Variants in MAGEB16 observed in about 807,000 individuals in gnomAD.
MAGEB16 encodes MAGE family member B16.
For missense variants in MAGEB16, 217 were observed against 234.0 expected (o/e 0.93, Z 0.47); for synonymous variants, 95 against 92.1 (o/e 1.03, Z -0.18).
exon 2 of MAGEB16, chrX:35,802,386 G>T (rs1458370429): frequency 1.0e-5 from 12 of 1,205,436 alleles, no homozygotes; most frequent in African/African-American, 1.8e-5. Flanking sequence ...TCCTCTTGAG[G>T]TTCCTCAGAG....
chrX:35,802,091 T>C (rs994682674), intron 1 of MAGEB16, 40 bp from the exon 2 acceptor site: 9 of 1,044,452 alleles, frequency 8.6e-6, no homozygotes, highest in African/African-American at 3.7e-5. Flanking sequence ...CAGTTGAGTT[T>C]ACCAGCTGAG....
At chrX:35,802,017 G>C (rs772884145) in intron 1 of MAGEB16, 114 bp from the exon 2 acceptor site, 48 of 492,330 alleles carry the variant, frequency 9.7e-5, no homozygotes, top group African/African-American at 8.2e-4. Flanking sequence ...TATCAGATCT[G>C]TGAGGCTCTA....
intron 1 of MAGEB16, chrX:35,800,387 A>T (rs2146564798): frequency 2.2e-6 from 1 of 456,009 alleles, no homozygotes; most frequent in East Asian, 3.8e-5. Context: ...AGCAGCCTCA[A>T]GTCAATATAG....
In MAGEB16 at chrX:35,802,278, G is replaced by T. The variant is rs377386187; in HGVS notation, c.82G>T (p.Ala28Ser). Residue 28 changes from alanine to serine, a missense_variant, in exon 2 of 2, where the codon GCA becomes TCA. By Grantham distance (99) the Ala-to-Ser change is moderately conservative. Coordinates refer to ENST00000399988, the Ensembl canonical transcript of MAGEB16. Reference sequence around the variant, plus strand: ...CAGTGAGACCCAGAGCCTGGAGGTTGCACAGGTCTCCAAGGCTCTGGAGAA... The same window carrying T: ...CAGTGAGACCCAGAGCCTGGAGGTTTCACAGGTCTCCAAGGCTCTGGAGAA... 7 of 1,208,882 alleles carry T rather than the reference G, an allele frequency of 5.8e-6. No homozygotes were observed. The African/African-American group carries it at 1.2e-4, about 21-fold the overall frequency.
rs1461326451 is a variant in MAGEB16 at position 35,802,873 on chromosome X, G to A, written c.677G>A (p.Trp226Ter). The A allele has an allele frequency of 3.3e-6, 4 of 1,210,157 alleles. No individual in the cohort carries two copies. Among genetic ancestry groups the A allele is most frequent in the Admixed American group, 2.2e-5 (1 of 45,757 alleles). ...AACCGTGCCACTGAAGAGGAAGTCT[G>A]GGAAGTGCTGAATTTGACGGGAGTA... Residue 226 changes from tryptophan to a stop codon, truncating the protein, a stop_gained, in exon 2 of 2, where the codon TGG becomes TAG. Transcript: ENST00000399988. LOFTEE classifies it low-confidence loss of function (END_TRUNC).
Position 35,803,040 on chromosome X carries a change from A to G in MAGEB16, c.844A>G (p.Lys282Glu), listed in dbSNP as rs1421543233. The change falls in exon 2 of 2, where the codon AAA (lysine) becomes GAA (glutamate). Residue 282 changes from lysine (K) to glutamate (E), a missense_variant. Physicochemically the swap from Lys to Glu is moderately conservative, Grantham distance 56 (BLOSUM62 1). Coordinates refer to ENST00000399988, the Ensembl canonical transcript of MAGEB16. Reference sequence around the variant, plus strand: ...TGAATTCCTGTGGGGCCCAAGAGCCAAAGCTGAAACCAGCAAGATGAAAGT... The same window carrying G: ...TGAATTCCTGTGGGGCCCAAGAGCCGAAGCTGAAACCAGCAAGATGAAAGT... 1.2e-5 allele frequency: 14 copies of G among 1,210,605 alleles called. No homozygotes were observed. Among genetic ancestry groups the G allele is most frequent in the Non-Finnish European group, 1.5e-5 (13 of 895,411 alleles).
intron 1 of MAGEB16, among the ~76,000 whole-genome samples, chrX:35,799,277 G>A (rs12009946): frequency 0.054 from 5,919 of 110,602 alleles, 400 homozygotes; most frequent in African/African-American, 0.18. Flanking sequence ...TTCGTGAGGC[G>A]TTTGCTCATT....
At chrX:35,800,730 G>A (rs1934855438) in intron 1 of MAGEB16, among the ~76,000 whole-genome samples, 1 of 110,916 alleles carries the variant, frequency 9.0e-6, no homozygotes, top group Non-Finnish European at 1.9e-5. Flanking sequence ...GATAACAAAG[G>A]TTTTGGTCTA....
At chrX:35,802,242 C>T (rs1934868490) in exon 2 of MAGEB16, 1 of 1,209,450 alleles carries the variant, frequency 8.3e-7, no homozygotes, top group South Asian at 1.8e-5. Context: ...TGATCAGCAC[C>T]TTCAGACCTT....
In MAGEB16 at chrX:35,802,494, G is replaced by GAGGAT; in HGVS notation, c.300_304dup (p.Thr102ArgfsTer22). On this transcript the variant is annotated frameshift_variant, in exon 2 of 2. Coordinates refer to ENST00000399988, the Ensembl canonical transcript of MAGEB16. LOFTEE classifies it low-confidence loss of function (END_TRUNC). ...AGAGGAAGATAGTCCAAGCTCCTCA[G>GAGGAT]AGGATACATCAGACCCCAGGAATGT... 8.3e-7 allele frequency: 1 copy of GAGGAT among 1,211,190 alleles called. No homozygotes were observed. The highest frequency in any genetic ancestry group is 1.1e-6 in the Non-Finnish European group (1 of 895,110).
chrX:35,802,442 A>G lies in MAGEB16; in HGVS notation c.246A>G (p.Glu82=), dbSNP rs193068052. 1.5e-5 allele frequency: 18 copies of G among 1,207,629 alleles called. No individual in the cohort carries two copies. In the East Asian group the frequency reaches 5.3e-4, roughly 36 times the overall value. ...CCGTCACAACCACCTCATCAAGTGA[A>G]TCTGATGAGGCTTCCAGCAATCAAG... The change falls in exon 2 of 2, where the codon GAA becomes GAG. Residue 82 remains glutamate, a synonymous_variant. Transcript: ENST00000399988.
chrX:35,799,075 G>A (rs1292610618), intron 1 of MAGEB16, among the ~76,000 whole-genome samples: 1 of 105,759 alleles, frequency 9.5e-6, no homozygotes, highest in Non-Finnish European at 1.9e-5. Context: ...GTAGAGACGG[G>A]GTTTCACCGT....
exon 2 of MAGEB16, chrX:35,802,558 T>C: frequency 1.7e-6 from 2 of 1,211,563 alleles, no homozygotes. Flanking sequence ...GCTTTTTTGG[T>C]GAATTTCATG....
chrX:35,803,336 A>G (rs1934884095), exon 2 of MAGEB16: 1 of 451,730 alleles, frequency 2.2e-6, no homozygotes, highest in Admixed American at 4.6e-5. Context: ...GAAAAATAGT[A>G]TATATCATCT....
Position 35,799,707 on chromosome X carries a change from A to G in MAGEB16, c.-67+1289A>G, listed in dbSNP as rs1934846447. Among the ~76,000 whole-genome samples the G allele has an allele frequency of 4.5e-5, 5 of 111,680 alleles. No individual in the cohort carries two copies. The South Asian group carries it at 1.9e-3, about 42-fold the overall frequency. On this transcript the variant is annotated intron_variant, in intron 1 of 1. Transcript: ENST00000399988. ...AGATGAGACATCCACACACTCCTCT[A>G]TGGTGTTCAGTGAGAAGGAGGTCTT... is the stretch of plus-strand genomic sequence containing the variant.
chrX:35,800,120 G>C (rs1349527691), intron 1 of MAGEB16, among the ~76,000 whole-genome samples: 2 of 111,519 alleles, frequency 1.8e-5, no homozygotes, highest in Non-Finnish European at 3.8e-5. Context: ...ATCCTTGGTA[G>C]TCACTGAGGG....
exon 2 of MAGEB16, chrX:35,802,592 G>T (rs1316843312): frequency 8.3e-7 from 1 of 1,209,761 alleles, no homozygotes; most frequent in African/African-American, 1.8e-5. Context: ...AGATGAAAAA[G>T]CCAATAACAA....
exon 2 of MAGEB16, chrX:35,803,580 A>T: frequency 7.4e-6 from 1 of 134,501 alleles, no homozygotes; most frequent in Non-Finnish European, 1.7e-5. Context: ...ATAGGATGAC[A>T]TGACATTACT....
intron 1 of MAGEB16, among the ~76,000 whole-genome samples, chrX:35,799,054 T>G (rs1484955441): frequency 1.9e-5 from 2 of 106,687 alleles, no homozygotes; most frequent in African/African-American, 3.5e-5. Context: ...TTTTTTTTTT[T>G]TGTATTTTTA....
Sources: allele counts gnomAD v4.1 joint callset (sites outside exome capture counted in the v4.1 genomes callset), GRCh38; gene constraint gnomAD v4.1.1; transcripts MANE v1.5; gene names NCBI Gene and HGNC (gene_info 2026-07-23, HGNC 2026-07-21).